The following PTPRD variants were observed in gnomAD, a reference collection of about 807,000 sequenced individuals.
PTPRD encodes protein tyrosine phosphatase receptor type D.
In PTPRD, 34 loss-of-function variants were observed where a neutral mutation model predicts 214.5. The ratio of observed to expected loss-of-function variants is 0.16; its 90% CI spans 0.12 to 0.21. PTPRD has a LOEUF of 0.21. PTPRD is among the 10% of genes least tolerant of loss of function. The pLI is 1.00. For missense variants in PTPRD, 2,545 were observed against 2,398.7 expected (o/e 1.06, Z -1.27); for synonymous variants, 1,128 against 845.7 (o/e 1.33, Z -5.79).
intron 7 of PTPRD, among the ~76,000 whole-genome samples, chr9:9,580,472 T>C (rs2090393731): frequency 6.6e-6 from 1 of 152,086 alleles, no homozygotes; most frequent in Admixed American, 6.6e-5. Flanking sequence ...GATGAGCATT[T>C]TTGATGCGCT....
chr9:9,536,061 G>A (rs1262628395), intron 8 of PTPRD, among the ~76,000 whole-genome samples: 4 of 151,962 alleles, frequency 2.6e-5, no homozygotes, highest in Non-Finnish European at 5.9e-5. Context: ...CAAGGATACT[G>A]GTTAGATATA....
intron 11 of PTPRD, among the ~76,000 whole-genome samples, chr9:8,758,849 C>G (rs12236571): frequency 6.6e-6 from 1 of 151,246 alleles, no homozygotes; most frequent in Non-Finnish European, 1.5e-5. Flanking sequence ...CCACGCTTGG[C>G]TAATTTTTTG....
intron 2 of PTPRD, among the ~76,000 whole-genome samples, chr9:10,498,382 A>T (rs1409999696): frequency 6.6e-6 from 1 of 152,008 alleles, no homozygotes; most frequent in African/African-American, 2.4e-5. Context: ...TTTTGTTTGC[A>T]TACCAAAAAA....
chr9:10,605,346 G>A (rs1405892375), intron 2 of PTPRD, among the ~76,000 whole-genome samples: 1 of 151,866 alleles, frequency 6.6e-6, no homozygotes, highest in Non-Finnish European at 1.5e-5. Flanking sequence ...AGGGACTGGT[G>A]CATAGACTGT....
At chr9:10,041,913 A>T (rs1449189185) in intron 3 of PTPRD, among the ~76,000 whole-genome samples, 1 of 152,180 alleles carries the variant, frequency 6.6e-6, no homozygotes, top group Non-Finnish European at 1.5e-5. Context: ...TGGCAAAATA[A>T]CATCCTCCTT....
At chr9:8,493,194 G>C (rs111949612) in intron 26 of PTPRD, among the ~76,000 whole-genome samples, 8 of 152,132 alleles carry the variant, frequency 5.3e-5, no homozygotes, top group South Asian at 2.1e-4. Flanking sequence ...GTAGATCTTA[G>C]GGTATTAGTC....
intron 2 of PTPRD, among the ~76,000 whole-genome samples, chr9:10,573,029 G>A (rs1343053733): frequency 6.6e-6 from 1 of 152,058 alleles, no homozygotes; most frequent in Admixed American, 6.6e-5. Flanking sequence ...GAAAGTGATT[G>A]TTGAGTTGTC....
chr9:9,275,110 A>ATATATAT (rs1944704487), intron 9 of PTPRD, among the ~76,000 whole-genome samples: 1 of 63,762 alleles, frequency 1.6e-5, no homozygotes, highest in Non-Finnish European at 2.8e-5. Context: ...ATAATATATT[A>ATATATAT]TATATATATT....
chr9:9,653,327 C>A (rs559388884), intron 7 of PTPRD, among the ~76,000 whole-genome samples: 73 of 110,802 alleles, frequency 6.6e-4, no homozygotes, highest in Non-Finnish European at 1.0e-3. Context: ...CCGGCCTGGG[C>A]GACAGAGCGA....
chr9:10,115,601 T>C lies in PTPRD; in HGVS notation c.-544-81811A>G, dbSNP rs371845520. Among the ~76,000 whole-genome samples the C allele has an allele frequency of 7.8e-4, 119 of 152,012 alleles. 3 individuals are homozygous for C. The South Asian group carries it at 0.023, about 29-fold the overall frequency. On this transcript the variant is annotated intron_variant, in intron 3 of 45. Coordinates refer to ENST00000381196, the MANE Select transcript of PTPRD (RefSeq NM_002839.4). Reference sequence around the variant, plus strand: ...ATGTGTTTTAAGACTTACATGATGGTATGGCACTTCAAGTAAAATTATATT... The same window carrying C: ...ATGTGTTTTAAGACTTACATGATGGCATGGCACTTCAAGTAAAATTATATT...
intron 6 of PTPRD, among the ~76,000 whole-genome samples, chr9:9,739,755 A>T (rs2098369009): frequency 6.6e-6 from 1 of 152,024 alleles, no homozygotes; most frequent in African/African-American, 2.4e-5. Flanking sequence ...TTTGAGATAT[A>T]TGTGCTGGGT....
chr9:9,248,809 C>A (rs1363010035), intron 9 of PTPRD, among the ~76,000 whole-genome samples: 6 of 152,008 alleles, frequency 3.9e-5, no homozygotes, highest in African/African-American at 2.4e-5. Context: ...AACTCAAATG[C>A]TTGCAGGGAC....
intron 2 of PTPRD, among the ~76,000 whole-genome samples, chr9:10,413,723 A>G (rs1315129258): frequency 1.3e-5 from 2 of 152,012 alleles, no homozygotes; most frequent in African/African-American, 4.8e-5. Flanking sequence ...ACGTGGCTAC[A>G]GTATACAAAA....
chr9:9,445,133 T>C (rs1588622109), intron 8 of PTPRD, among the ~76,000 whole-genome samples: 1 of 152,316 alleles, frequency 6.6e-6, no homozygotes, highest in South Asian at 2.1e-4. Flanking sequence ...TGGATCCTCA[T>C]TGGTATCAGT....
chr9:9,513,839 C>G (rs147124290), intron 8 of PTPRD, among the ~76,000 whole-genome samples: 5 of 151,972 alleles, frequency 3.3e-5, no homozygotes, highest in Non-Finnish European at 5.9e-5. Context: ...CAAATATCAC[C>G]TGCTGGTTTT....
intron 5 of PTPRD, among the ~76,000 whole-genome samples, chr9:9,776,509 G>A (rs534136283): frequency 4.1e-4 from 63 of 152,172 alleles, no homozygotes; most frequent in Non-Finnish European, 5.9e-4. Context: ...AACAGACACT[G>A]AGAAAACATC....
At chr9:10,328,307 T>C (rs2096682764) in intron 3 of PTPRD, among the ~76,000 whole-genome samples, 1 of 151,778 alleles carries the variant, frequency 6.6e-6, no homozygotes, top group South Asian at 2.1e-4. Flanking sequence ...TTTTTCATGA[T>C]CATGTGTATT....
chr9:8,330,382 T>C (rs1250312970), intron 44 of PTPRD, among the ~76,000 whole-genome samples: 2 of 152,132 alleles, frequency 1.3e-5, no homozygotes, highest in African/African-American at 4.8e-5. Flanking sequence ...AAATAGACTA[T>C]AGTATAAAGT....
intron 6 of PTPRD, among the ~76,000 whole-genome samples, chr9:9,750,983 G>T (rs888103580): frequency 6.6e-6 from 1 of 152,152 alleles, no homozygotes; most frequent in East Asian, 1.9e-4. Context: ...ACTGGAGAAA[G>T]AAATCAAATA....
Sources: allele counts gnomAD v4.1 joint callset (sites outside exome capture counted in the v4.1 genomes callset), GRCh38; gene constraint gnomAD v4.1.1; transcripts MANE v1.5; gene names NCBI Gene and HGNC (gene_info 2026-07-23, HGNC 2026-07-21).